Variants in BANP observed in about 807,000 individuals in gnomAD.
The protein encoded by BANP is protein BANP.
Under a neutral mutation model 68.1 loss-of-function variants are expected in BANP, and 11 were observed. The observed-to-expected ratio is 0.16, with a 90% CI of 0.10 to 0.27. The LOEUF is 0.27. Among genes scored for constraint, BANP ranks in the 10% least tolerant of loss-of-function variants. BANP has a pLI of 1.00. For missense variants in BANP, 504 were observed against 722.7 expected, an observed-to-expected ratio of 0.70 and a Z score of 3.47; for synonymous variants, 329 against 303.2, an observed-to-expected ratio of 1.09 and a Z score of -0.88.
chr16:87,995,476 A>G (rs1370880381), intron 4 of BANP, among the ~76,000 whole-genome samples: 1 of 152,262 alleles, frequency 6.6e-6, no homozygotes, highest in Non-Finnish European at 1.5e-5. Flanking sequence ...ATAAGTAGAA[A>G]GAAAAAATTA....
intron 1 of BANP, among the ~76,000 whole-genome samples, chr16:87,961,362 CTG>C (rs2059089056): frequency 6.7e-6 from 1 of 149,446 alleles, no homozygotes; most frequent in Non-Finnish European, 1.5e-5. Context: ...CAGGGTTTTG[CTG>C]TGTTGCCCGG....
rs2078563874 is a variant in BANP, at chr16:88,033,115, T to C, written c.1070T>C (p.Met357Thr). 6.2e-7 allele frequency: 1 copy of C among 1,603,710 alleles called. No individual in the cohort carries two copies. Among genetic ancestry groups the C allele is most frequent in the Non-Finnish European group, 8.5e-7 (1 of 1,172,534 alleles). ...ACACCTGTTGCCCCCACAGAGCCGA[T>C]GATGAGCACCCCACCTCCTGCCAGC... Reference protein sequence around the residue: ...NSSSYCPSEPMMSTPPPASEL... With the variant: ...NSSSYCPSEPTMSTPPPASEL... Residue 357 changes from methionine to threonine, a missense_variant, in exon 9 of 14, where the codon ATG becomes ACG. Around this residue, in one of 3 missense-constraint regions of BANP, gnomAD observed 223 missense variants for 246.2 expected, o/e 0.91. Coordinates refer to ENST00000682872, the MANE Select transcript of BANP (RefSeq NM_001386991.1).
intron 11 of BANP, among the ~76,000 whole-genome samples, chr16:88,054,369 TACC>T (rs1457534660): frequency 1.7e-5 from 2 of 120,172 alleles, no homozygotes; most frequent in East Asian, 2.4e-4. Flanking sequence ...TAACAACCAC[TACC>T]ACCACCACCT....
chr16:88,049,987 T>G (rs542566806), intron 11 of BANP, among the ~76,000 whole-genome samples: 1 of 152,208 alleles, frequency 6.6e-6, no homozygotes, highest in Non-Finnish European at 1.5e-5. Context: ...ATTCTTCCAA[T>G]TAAGAACCCT....
chr16:88,039,107 G>A (rs143695657), intron 11 of BANP, among the ~76,000 whole-genome samples: 2 of 152,254 alleles, frequency 1.3e-5, no homozygotes, highest in Non-Finnish European at 2.9e-5. Flanking sequence ...AGGCACCTTG[G>A]GAGAAGGGCT....
At chr16:87,976,155 T>A (rs1294374525) in intron 2 of BANP, among the ~76,000 whole-genome samples, 3 of 152,218 alleles carry the variant, frequency 2.0e-5, no homozygotes, top group Non-Finnish European at 2.9e-5. Flanking sequence ...ATAGAGAAGA[T>A]CCTTGCATAT....
intron 13 of BANP, among the ~76,000 whole-genome samples, chr16:88,074,832 C>A (rs916695725): frequency 6.6e-6 from 1 of 152,148 alleles, no homozygotes; most frequent in African/African-American, 2.4e-5. Flanking sequence ...CTCATACTGA[C>A]CCCTCATCCT....
At chr16:88,027,789 A>C in intron 8 of BANP, 139 bp downstream of exon 8, 1 of 1,050,336 alleles carries the variant, frequency 9.5e-7, no homozygotes, top group Non-Finnish European at 1.4e-6. Context: ...CGCGGTGCGC[A>C]CGGAGCAGTG....
At position 88,065,988 on chromosome 16, in the gene BANP, G is replaced by A. The variant is rs558025388; in HGVS notation, c.1377+656G>A. 5.9e-5 allele frequency among the ~76,000 whole-genome samples: 9 copies of A among 152,278 alleles called. No individual in the cohort carries two copies. In the South Asian group the frequency reaches 1.2e-3, roughly 21 times the overall value. On this transcript the variant is annotated intron_variant, in intron 12 of 13. Transcript: ENST00000682872. ...GGATTCTTGGTGGGGATGGGAGCAC[G>A]GGAGAGGGTGTGCACCTGCGCCTGT...
At chr16:88,027,783 G>A (rs1414474059) in intron 8 of BANP, 133 bp downstream of exon 8, 224 of 1,096,894 alleles carry the variant, frequency 2.0e-4, no homozygotes, top group South Asian at 4.2e-4. Flanking sequence ...GGCTTGCGCG[G>A]TGCGCACGGA....
At chr16:87,970,796 A>T (rs1230524467) in intron 1 of BANP, among the ~76,000 whole-genome samples, 1 of 152,120 alleles carries the variant, frequency 6.6e-6, no homozygotes, top group African/African-American at 2.4e-5. Flanking sequence ...AGGTGGGCGA[A>T]TCACCTGAGG....
chr16:87,965,900 A>C (rs1307904902), intron 1 of BANP, among the ~76,000 whole-genome samples: 1 of 152,114 alleles, frequency 6.6e-6, no homozygotes, highest in African/African-American at 2.4e-5. Context: ...AGGAGGGCGG[A>C]GTGGACAGGA....
At chr16:88,046,483 C>T (rs921552175) in intron 11 of BANP, among the ~76,000 whole-genome samples, 4 of 152,052 alleles carry the variant, frequency 2.6e-5, no homozygotes, top group African/African-American at 7.2e-5. Context: ...GCTGTGAGCT[C>T]GTGCAGTCTT....
chr16:88,034,997 T>A lies in BANP; in HGVS notation c.1201-326T>A, dbSNP rs1441109767. The A allele has an allele frequency of 4.4e-5, 12 of 273,396 alleles. No homozygotes were observed. The South Asian group carries it at 5.9e-4, about 14-fold the overall frequency. The allele number at this position is 273,396 out of a possible 1,614,324, so 16.9% of individuals were successfully genotyped here. On this transcript the variant is annotated intron_variant, in intron 9 of 13. Coordinates refer to ENST00000682872, the MANE Select transcript of BANP (RefSeq NM_001386991.1). ...CTGTCCAGCCCGGGACGTGAGTCGT[T>A]CCTTTGTCCAGCATGTCCAAGCTGT...
rs145464121 is a variant in BANP, at chr16:87,992,851, C to G, written c.362+8592C>G. On this transcript the variant is annotated intron_variant, in intron 4 of 13. Coordinates refer to ENST00000682872, the MANE Select transcript of BANP (RefSeq NM_001386991.1). ...TTGAGTTAGTGTTGTTTGTGTCTCT[C>G]AAGATTATTTTCTTTTCCCCTAAAT... Among the ~76,000 whole-genome samples the G allele has an allele frequency of 5.9e-5, 9 of 152,028 alleles. No individual in the cohort carries two copies. In the East Asian group the frequency reaches 1.5e-3, roughly 26 times the overall value.
Position 88,036,290 on chromosome 16 carries a change from A to G in BANP, c.1272+896A>G, listed in dbSNP as rs2079336119. Among the ~76,000 whole-genome samples the G allele has an allele frequency of 6.6e-6, 1 of 152,188 alleles. No homozygotes were observed. Among genetic ancestry groups the G allele is most frequent in the African/African-American group, 2.4e-5 (1 of 41,444 alleles). On this transcript the variant is annotated intron_variant, in intron 10 of 13. Transcript: ENST00000682872. This position sits in a 1 kb window ranked among gnomAD's most constrained non-coding sequence, Gnocchi z 4.2. ...CGCTGCAAAGATCTCAGGCTTCCCC[A>G]CACACACCAGCAGCAGAGACTAGGA...
rs150473312 is a variant in BANP at position 88,025,466 on chromosome 16, G to T, written c.896-2017G>T. ...CCCGAAAATTGGAAGCCAAAGGGCG[G>T]CTGCTTCCTGTATGGCTTCTTTATG... On this transcript the variant is annotated intron_variant, in intron 7 of 13. Transcript: ENST00000682872. Among the ~76,000 whole-genome samples, 661 of 152,320 alleles carry T rather than the reference G, an allele frequency of 4.3e-3. 5 individuals carry two copies. Among genetic ancestry groups the T allele is most frequent in the African/African-American group, 0.014 (597 of 41,576 alleles).
In BANP at chr16:88,024,235, T is replaced by G. The variant is rs1468850621; in HGVS notation, c.896-3248T>G. Among the ~76,000 whole-genome samples, 5 of 152,184 alleles carry G rather than the reference T, an allele frequency of 3.3e-5. No individual in the cohort carries two copies. The East Asian group carries it at 9.6e-4, about 29-fold the overall frequency. ...GTTCTCAGGATCCAGTGAGGGCCGC[T>G]GCTTCTTCACCTGGTGGGCCCAGGA... On this transcript the variant is annotated intron_variant, in intron 7 of 13. Transcript: ENST00000682872.
intron 7 of BANP, among the ~76,000 whole-genome samples, chr16:88,019,495 G>T (rs1245380889): frequency 2.6e-5 from 4 of 151,112 alleles, no homozygotes; most frequent in Non-Finnish European, 5.9e-5. Flanking sequence ...TCTCGAAACA[G>T]GGCGAGCGAG....
Sources: gnomAD v4.1 joint callset for allele counts (sites outside exome capture counted in the v4.1 genomes callset) on GRCh38, gnomAD v4.1.1 for gene constraint, gnomAD v4.1.1 regional missense constraint, Gnocchi (gnomAD v3.1) non-coding constraint, MANE v1.5 for transcripts, NCBI Gene and HGNC (gene_info 2026-07-23, HGNC 2026-07-21) for gene names.